SLC13A3: variants seen among roughly 807,000 people sequenced by gnomAD.
SLC13A3 encodes the protein Na(+)/dicarboxylate cotransporter 3.
SLC13A3 carries 40 observed loss-of-function variants against 59.0 expected under a neutral mutation model. The ratio of observed to expected loss-of-function variants is 0.68; its 90% confidence interval spans 0.53 to 0.88. The LOEUF is 0.88. Ranked by LOEUF, SLC13A3 falls within the 40% of genes least tolerant of loss-of-function variation. SLC13A3 has a pLI of 0.00. For synonymous variants in SLC13A3, 317 were observed against 330.3 expected (o/e 0.96, Z 0.44); for missense variants, 699 against 783.2 (o/e 0.89, Z 1.28).
intron 1 of SLC13A3, among the ~76,000 whole-genome samples, chr20:46,669,029 A>C (rs1354195147): frequency 2.0e-5 from 3 of 152,234 alleles, no homozygotes; most frequent in African/African-American, 7.2e-5. Context: ...TGGACAGATA[A>C]GGAAACTGAG....
intron 1 of SLC13A3, among the ~76,000 whole-genome samples, chr20:46,646,663 C>T (rs757689004): frequency 1.3e-5 from 2 of 152,210 alleles, no homozygotes; most frequent in Non-Finnish European, 2.9e-5. Context: ...TTCTCTCCAA[C>T]ATTTAACTTC....
chr20:46,684,140 C>A (rs772965974), intron 1 of SLC13A3, among the ~76,000 whole-genome samples: 2 of 152,158 alleles, frequency 1.3e-5, no homozygotes, highest in Non-Finnish European at 2.9e-5. Flanking sequence ...GTTTCTTCTT[C>A]GCCAACTTCG....
At chr20:46,589,298 T>TA in intron 6 of SLC13A3, 43 bp from the exon 7 acceptor site, 1 of 1,547,646 alleles carries the variant, frequency 6.5e-7, no homozygotes, top group Non-Finnish European at 8.9e-7. Context: ...ACTGCAGGTA[T>TA]AACTAACTTC....
chr20:46,581,838 C>G (rs1453096018), intron 9 of SLC13A3, among the ~76,000 whole-genome samples: 1 of 152,130 alleles, frequency 6.6e-6, no homozygotes, highest in East Asian at 1.9e-4. Flanking sequence ...AAATTGTATA[C>G]AGAGGGAATG....
intron 5 of SLC13A3, 30 bp downstream of exon 5, chr20:46,596,127 C>G (rs767162758): frequency 8.1e-6 from 13 of 1,603,024 alleles, no homozygotes; most frequent in Non-Finnish European, 1.1e-5. Flanking sequence ...GAGCAGAACC[C>G]TCCCCGCCGG....
chr20:46,683,178 T>C (rs1293574057), intron 1 of SLC13A3, among the ~76,000 whole-genome samples: 2 of 152,178 alleles, frequency 1.3e-5, no homozygotes, highest in Admixed American at 6.5e-5. Flanking sequence ...TTTAGGCAGA[T>C]ATTCAGGGCA....
intron 8 of SLC13A3, 79 bp from the exon 9 acceptor site, chr20:46,583,748 T>C: frequency 6.3e-7 from 1 of 1,576,148 alleles, no homozygotes; most frequent in Non-Finnish European, 8.6e-7. Flanking sequence ...AAAGGAGGAT[T>C]TGTGGAAGGG....
rs139523105 is a variant in SLC13A3, at chr20:46,584,858, AT to A, written c.1122-1190del. 8.9e-3 allele frequency among the ~76,000 whole-genome samples: 1,348 copies of A among 151,696 alleles called. 16 individuals carry two copies. Among genetic ancestry groups the A allele is most frequent in the African/African-American group, 0.031 (1,284 of 41,424 alleles). ...TCATTACTGATAAGAGTAAAAAAAAATTGGAAGATTTTTGATAGACACATGT... is the reference window on the plus strand; with the variant it reads ...TCATTACTGATAAGAGTAAAAAAAAATGGAAGATTTTTGATAGACACATGT... On this transcript the variant is annotated intron_variant, in intron 8 of 12. Transcript: ENST00000279027.
chr20:46,583,581 C>G lies in SLC13A3; in HGVS notation c.1210G>C (p.Asp404His). Reference sequence around the variant, plus strand: ...GCCTTGACCACCTTACCTTTGAAGTCAAACCACCACTTGAGAGAGGGCCTT... The same window carrying G: ...GCCTTGACCACCTTACCTTTGAAGTGAAACCACCACTTGAGAGAGGGCCTT... ...SQRPSLKWWFDFKAPNTETEP... is the reference protein window; with the variant it reads ...SQRPSLKWWFHFKAPNTETEP... Residue 404 changes from aspartate (D) to histidine (H), a missense_variant, in exon 9 of 13, where the codon GAC (aspartate) becomes CAC (histidine). Asp to His is a moderately conservative substitution (Grantham distance 81, BLOSUM62 -1). Transcript: ENST00000279027. 2 of 1,613,710 alleles carry G rather than the reference C, an allele frequency of 1.2e-6. No individual in the cohort carries two copies. Among genetic ancestry groups the G allele is most frequent in the Middle Eastern group, 1.6e-4 (1 of 6,062 alleles).
rs1026811343 is a variant in SLC13A3, at chr20:46,627,192, T to C, written c.112-13467A>G. Among the ~76,000 whole-genome samples the C allele has an allele frequency of 2.0e-5, 3 of 152,348 alleles. No homozygotes were observed. The East Asian group carries it at 5.8e-4, about 29-fold the overall frequency. On this transcript the variant is annotated intron_variant, in intron 1 of 12. Transcript: ENST00000279027. ...GGTATTTGTTAAAAGAATGAATAAA[T>C]GATATAAAGTCATTTCAGGCATTTC...
chr20:46,566,430 C>T (rs1266436651), intron 10 of SLC13A3, 40 bp from the exon 11 acceptor site: 3 of 1,586,348 alleles, frequency 1.9e-6, no homozygotes, highest in South Asian at 1.1e-5. Flanking sequence ...CCAGCCCATC[C>T]CCAGCTGCCG....
At chr20:46,612,944 C>A (rs1176398241) in intron 2 of SLC13A3, among the ~76,000 whole-genome samples, 2 of 152,186 alleles carry the variant, frequency 1.3e-5, no homozygotes. Context: ...AGGTAAATAG[C>A]AAACAAGAAT....
At chr20:46,603,886 G>C (rs2062408120) in intron 3 of SLC13A3, among the ~76,000 whole-genome samples, 1 of 151,534 alleles carries the variant, frequency 6.6e-6, no homozygotes, top group South Asian at 2.1e-4. Flanking sequence ...CAGCTCTTGA[G>C]AGGCTGAGGT....
At position 46,651,443 on chromosome 20, in the gene SLC13A3, C is replaced by A; in HGVS notation, c.-22G>T. The A allele has an allele frequency of 1.4e-6, 2 of 1,407,516 alleles. No homozygotes were observed. Among genetic ancestry groups the A allele is most frequent in the Non-Finnish European group, 1.8e-6 (2 of 1,081,734 alleles). The allele number at this position is 1,407,516 out of a possible 1,614,324, so 87.2% of individuals were successfully genotyped here. A position where few individuals can be genotyped will look rare whatever the true frequency, so the allele number is the denominator to read the frequency against. The stretch of plus-strand genomic sequence containing the variant: ...CCATCAGCGCGATCGCCTGGCGGTA[C>A]GGGCCGGCCCGGGACTGCCCCGCCT... On this transcript the variant is annotated 5_prime_UTR_variant, in exon 1 of 13. Coordinates refer to ENST00000279027, the MANE Select transcript of SLC13A3 (RefSeq NM_022829.6).
chr20:46,649,548 C>T (rs1392097042), intron 1 of SLC13A3, among the ~76,000 whole-genome samples: 4 of 152,148 alleles, frequency 2.6e-5, no homozygotes, highest in Non-Finnish European at 5.9e-5. Context: ...CTGCCTATGG[C>T]CTCGCAGACA....
chr20:46,683,924 T>C (rs1461329990), intron 1 of SLC13A3, among the ~76,000 whole-genome samples: 15 of 152,192 alleles, frequency 9.9e-5, no homozygotes, highest in Admixed American at 9.8e-4. Flanking sequence ...CTTCCACTCT[T>C]GCCCTCTATG....
upstream of SLC13A3, chr20:46,651,564 G>C: frequency 4.6e-6 from 6 of 1,309,482 alleles, no homozygotes; most frequent in Non-Finnish European, 5.8e-6. Context: ...GAAAAGGGTG[G>C]TGCCTGCGCC....
chr20:46,679,431 G>A (rs1055958303), intron 1 of SLC13A3, among the ~76,000 whole-genome samples: 16 of 152,002 alleles, frequency 1.1e-4, no homozygotes, highest in Non-Finnish European at 1.9e-4. Context: ...TGGCTAACAC[G>A]GTGAAACCCC....
At chr20:46,578,218 C>T (rs905974677) in intron 9 of SLC13A3, among the ~76,000 whole-genome samples, 1 of 151,844 alleles carries the variant, frequency 6.6e-6, no homozygotes, top group African/African-American at 2.4e-5. Flanking sequence ...GCGTGAGCCA[C>T]CACGCCCGGT....
Sources: gnomAD v4.1 joint callset for allele counts (sites outside exome capture counted in the v4.1 genomes callset) on GRCh38, gnomAD v4.1.1 for gene constraint, MANE v1.5 for transcripts, NCBI Gene and HGNC (gene_info 2026-07-23, HGNC 2026-07-21) for gene names.